Variants in PRKD1 observed in about 807,000 individuals in gnomAD.
PRKD1 encodes the protein protein kinase D1.
A neutral mutation model predicts 95.9 loss-of-function variants in PRKD1; 63 were observed. The ratio of observed to expected loss-of-function variants is 0.66; its 90% CI spans 0.54 to 0.81. The LOEUF is 0.81. PRKD1 is among the 30% of genes least tolerant of loss of function. The pLI, the probability that PRKD1 is intolerant of heterozygous loss-of-function variation, is 0.00. For synonymous variants in PRKD1, 425 were observed against 423.1 expected (o/e 1.00, Z -0.05); for missense variants, 1,048 against 1,165.3 (o/e 0.90, Z 1.47).
At chr14:29,594,973 T>C (rs375185493) in intron 16 of PRKD1, among the ~76,000 whole-genome samples, 3 of 150,834 alleles carry the variant, frequency 2.0e-5, no homozygotes. Context: ...GTTCTGTTCA[T>C]ACATCAGCAG....
chr14:29,584,178 T>C (rs1892839297), intron 16 of PRKD1, among the ~76,000 whole-genome samples: 2 of 152,186 alleles, frequency 1.3e-5, no homozygotes, highest in Admixed American at 1.3e-4. Context: ...TTCCATTTTT[T>C]CTAACAATAA....
At position 29,638,864 on chromosome 14, in the gene PRKD1, C is replaced by G. The variant is rs1442579517; in HGVS notation, c.737G>C (p.Arg246Thr). 8.1e-6 allele frequency: 13 copies of G among 1,605,192 alleles called. No homozygotes were observed. Among genetic ancestry groups the G allele is most frequent in the Non-Finnish European group, 1.1e-5 (13 of 1,173,388 alleles). The change falls in exon 5 of 18, where the codon AGG (arginine) becomes ACG (threonine). Residue 246 changes from arginine to threonine, a missense_variant. This residue lies in a region of PRKD1 where 739 missense variants were observed against 861.9 expected (regional missense o/e 0.86). Transcript: ENST00000331968. ...TCCAATGTATGATTGAGAATTTGAC[C>G]TCTTCTCTCGACCAATAAACGACTC... ...PSESFIGREK[R>T]SNSQSYIGRP...
At position 29,576,553 on chromosome 14, in the gene PRKD1, T is replaced by C. The variant is rs577739881; in HGVS notation, c.*685A>G. ...TTGCTGAGCAGCTGATTTTCCATAG[T>C]ACAACAGAGTATTATAAGAAAGAGG... On this transcript the variant is annotated 3_prime_UTR_variant, in exon 18 of 18. Coordinates refer to ENST00000331968, the MANE Select transcript of PRKD1 (RefSeq NM_002742.3). 1 of 153,476 alleles carries C rather than the reference T, an allele frequency of 6.5e-6. No homozygotes were observed. The highest frequency in any genetic ancestry group is 2.1e-4 in the South Asian group (1 of 4,858). The allele number at this position is 153,476 out of a possible 1,614,324, so 9.5% of individuals were successfully genotyped here.
chr14:29,841,005 G>C (rs1171895587), intron 1 of PRKD1, among the ~76,000 whole-genome samples: 1 of 152,224 alleles, frequency 6.6e-6, no homozygotes, highest in Non-Finnish European at 1.5e-5. Context: ...TGGAGTCAAA[G>C]AGGATCATTT....
intron 1 of PRKD1, among the ~76,000 whole-genome samples, chr14:29,819,171 T>C (rs1890807791): frequency 6.6e-6 from 1 of 152,186 alleles, no homozygotes; most frequent in Non-Finnish European, 1.5e-5. Context: ...AGGAAGTTAT[T>C]GGCTCAATTG....
intron 1 of PRKD1, among the ~76,000 whole-genome samples, chr14:29,857,600 T>G (rs114108793): frequency 0.011 from 1,604 of 152,250 alleles, 30 homozygotes; most frequent in African/African-American, 0.037. Context: ...GCAAATACCT[T>G]CGTTCAGGTT....
intron 2 of PRKD1, among the ~76,000 whole-genome samples, chr14:29,674,530 G>A (rs984248518): frequency 6.6e-6 from 1 of 152,194 alleles, no homozygotes; most frequent in African/African-American, 2.4e-5. Flanking sequence ...TGCCCCATGT[G>A]TCCAACGTAG....
intron 1 of PRKD1, among the ~76,000 whole-genome samples, chr14:29,910,660 C>T (rs1280771541): frequency 2.6e-5 from 4 of 152,094 alleles, no homozygotes; most frequent in Non-Finnish European, 4.4e-5. Context: ...AATTAAAAAT[C>T]CAATCAAGTG....
chr14:29,757,129 C>T (rs1887739404), intron 1 of PRKD1, among the ~76,000 whole-genome samples: 1 of 152,118 alleles, frequency 6.6e-6, no homozygotes, highest in African/African-American at 2.4e-5. Flanking sequence ...GTAGCATTAA[C>T]ACATCATATT....
At chr14:29,885,124 T>TA (rs1220944588) in intron 1 of PRKD1, among the ~76,000 whole-genome samples, 31,573 of 130,828 alleles carry the variant, frequency 0.24, 3,748 homozygotes, top group East Asian at 0.35. Context: ...CTCCATCTTT[T>TA]AAAAAAAAAA....
chr14:29,619,223 C>T (rs1227854564), intron 13 of PRKD1, among the ~76,000 whole-genome samples: 2 of 151,900 alleles, frequency 1.3e-5, no homozygotes, highest in Admixed American at 1.3e-4. Context: ...CACTGCCATC[C>T]CCATTACTAT....
intron 1 of PRKD1, among the ~76,000 whole-genome samples, chr14:29,856,943 G>A (rs1273193171): frequency 6.6e-6 from 1 of 152,160 alleles, no homozygotes; most frequent in Admixed American, 6.6e-5. Flanking sequence ...GGAATCACCA[G>A]TCACTTATTT....
intron 13 of PRKD1, among the ~76,000 whole-genome samples, chr14:29,615,956 T>A (rs754881231): frequency 3.9e-4 from 60 of 152,044 alleles, no homozygotes; most frequent in South Asian, 6.2e-4. Flanking sequence ...AAAGTGGAGA[T>A]GTCCTAAGGA....
chr14:29,742,628 GA>G (rs1420858702), intron 1 of PRKD1, among the ~76,000 whole-genome samples: 1 of 151,572 alleles, frequency 6.6e-6, no homozygotes, highest in Non-Finnish European at 1.5e-5. Context: ...AGATATTGAG[GA>G]AAAAATCTAT....
intron 1 of PRKD1, among the ~76,000 whole-genome samples, chr14:29,908,031 T>C (rs985319985): frequency 6.6e-6 from 1 of 152,132 alleles, no homozygotes; most frequent in Non-Finnish European, 1.5e-5. Context: ...TTAGATATAT[T>C]TCATATGTAG....
intron 1 of PRKD1, among the ~76,000 whole-genome samples, chr14:29,847,925 G>A (rs1220249703): frequency 6.6e-6 from 1 of 152,016 alleles, no homozygotes; most frequent in Admixed American, 6.6e-5. Context: ...AGAAGATGGT[G>A]CAGCAAGAAG....
At chr14:29,920,145 AAAGG>A (rs1162485385) in intron 1 of PRKD1, among the ~76,000 whole-genome samples, 1 of 151,332 alleles carries the variant, frequency 6.6e-6, no homozygotes, top group South Asian at 2.1e-4. Flanking sequence ...GAAGAAAAGA[AAAGG>A]AAGGAAGGAA....
Position 29,732,616 on chromosome 14 carries a change from TG to T in PRKD1, c.265-6943del, listed in dbSNP as rs543960016. 2.5e-3 allele frequency among the ~76,000 whole-genome samples: 388 copies of T among 152,288 alleles called. 4 individuals carry two copies. Among genetic ancestry groups the T allele is most frequent in the African/African-American group, 9.0e-3 (376 of 41,582 alleles). ...CATGGTATCACTTTCTTCCATCTGA[TG>T]AATTTTCTTTAGTATTTCATAAAAG... is the stretch of plus-strand genomic sequence containing the variant. On this transcript the variant is annotated intron_variant, in intron 1 of 17. Coordinates refer to ENST00000331968, the MANE Select transcript of PRKD1 (RefSeq NM_002742.3).
chr14:29,638,256 T>G, intron 6 of PRKD1: 4 of 499,870 alleles, frequency 8.0e-6, no homozygotes, highest in South Asian at 3.6e-5. Flanking sequence ...GCTACCCAAG[T>G]TTTCAATACT....
Sources: allele counts gnomAD v4.1 joint callset (sites outside exome capture counted in the v4.1 genomes callset), GRCh38; gene constraint gnomAD v4.1.1; regional missense constraint gnomAD v4.1.1; transcripts MANE v1.5; gene names NCBI Gene and HGNC (gene_info 2026-07-23, HGNC 2026-07-21).